The following UNC13C variants were observed in gnomAD, a reference collection of about 807,000 sequenced individuals.
UNC13C encodes unc-13 homolog C, also known as protein unc-13 homolog C.
UNC13C carries 174 observed loss-of-function variants against 245.4 expected under a neutral mutation model. The ratio of observed to expected loss-of-function variants is 0.71; its 90% CI spans 0.63 to 0.80. The LOEUF is 0.80. Among genes scored for constraint, UNC13C ranks in the 30% least tolerant of loss-of-function variants. UNC13C has a pLI of 0.00. For synonymous variants in UNC13C, 992 were observed against 895.1 expected, an observed-to-expected ratio of 1.11 and a Z score of -1.93; for missense variants, 2,829 against 2,602.9, an observed-to-expected ratio of 1.09 and a Z score of -1.89.
At chr15:54,152,328 G>A (rs796255311) in intron 4 of UNC13C, among the ~76,000 whole-genome samples, 2 of 152,232 alleles carry the variant, frequency 1.3e-5, no homozygotes, top group South Asian at 4.1e-4. Context: ...TAAGAAACCT[G>A]AAGACAGTAT....
chr15:54,315,621 CATG>C (rs2037988219), intron 13 of UNC13C, among the ~76,000 whole-genome samples: 1 of 151,478 alleles, frequency 6.6e-6, no homozygotes, highest in Admixed American at 6.6e-5. Context: ...TTTGATAATT[CATG>C]ATGATGATCC....
chr15:54,408,087 G>T (rs1438319762), intron 18 of UNC13C, among the ~76,000 whole-genome samples: 1 of 150,780 alleles, frequency 6.6e-6, no homozygotes, highest in Non-Finnish European at 1.5e-5. Context: ...TGTAGTCCCA[G>T]CTACTCGGGA....
At chr15:54,305,635 A>G (rs759973430) in intron 13 of UNC13C, among the ~76,000 whole-genome samples, 30 of 152,072 alleles carry the variant, frequency 2.0e-4, no homozygotes, top group Non-Finnish European at 3.2e-4. Flanking sequence ...CGGAAAGCCA[A>G]CCAACCAACC....
intron 1 of UNC13C, among the ~76,000 whole-genome samples, chr15:54,006,340 G>C (rs1178347986): frequency 6.6e-6 from 1 of 152,174 alleles, no homozygotes; most frequent in Admixed American, 6.5e-5. Context: ...TGAGTCATTT[G>C]ACTTTCATTC....
chr15:54,073,278 T>C (rs1339553866), intron 2 of UNC13C, among the ~76,000 whole-genome samples: 4 of 152,218 alleles, frequency 2.6e-5, no homozygotes, highest in African/African-American at 9.7e-5. Context: ...ATCTAGTTTA[T>C]CATTGATGGG....
At chr15:54,092,690 T>C (rs1899638275) in intron 2 of UNC13C, among the ~76,000 whole-genome samples, 1 of 152,172 alleles carries the variant, frequency 6.6e-6, no homozygotes, top group African/African-American at 2.4e-5. Flanking sequence ...TTGGGGAAGG[T>C]AGACATTCAA....
rs1897035 is a variant in UNC13C, at chr15:54,029,410, G to A, written c.2983+13524G>A. On this transcript the variant is annotated intron_variant, in intron 2 of 32. Transcript: ENST00000260323. ...TCCTTCCTTGATACTATTATGATCC[G>A]GTTCAAGTGAATTCACAATTATTTC... Among the ~76,000 whole-genome samples the A allele has an allele frequency of 5.8e-3, 879 of 152,286 alleles. 42 individuals carry two copies. The South Asian group carries it at 0.12, about 21-fold the overall frequency.
intron 4 of UNC13C, among the ~76,000 whole-genome samples, chr15:54,187,805 GT>G (rs2034046345): frequency 6.6e-6 from 1 of 151,652 alleles, no homozygotes; most frequent in Admixed American, 6.6e-5. Context: ...TGTATGTTTT[GT>G]TTTTTTGTTT....
chr15:54,152,138 C>A (rs2032546694), intron 4 of UNC13C, among the ~76,000 whole-genome samples: 1 of 152,170 alleles, frequency 6.6e-6, no homozygotes, highest in African/African-American at 2.4e-5. Flanking sequence ...TAAGCTTAAG[C>A]ATAGTACTAC....
At chr15:54,018,402 T>G (rs1019978028) in intron 2 of UNC13C, among the ~76,000 whole-genome samples, 1 of 152,204 alleles carries the variant, frequency 6.6e-6, no homozygotes, top group Non-Finnish European at 1.5e-5. Flanking sequence ...GCTCACACAT[T>G]TGAATTATTT....
At chr15:54,162,668 G>T (rs1160832019) in intron 4 of UNC13C, among the ~76,000 whole-genome samples, 5 of 152,064 alleles carry the variant, frequency 3.3e-5, no homozygotes, top group African/African-American at 1.2e-4. Flanking sequence ...AGATTTCCTG[G>T]AACTTTCTCC....
intron 4 of UNC13C, among the ~76,000 whole-genome samples, chr15:54,230,366 C>A (rs1047708264): frequency 6.6e-5 from 10 of 151,626 alleles, no homozygotes; most frequent in African/African-American, 2.2e-4. Flanking sequence ...TTTTTATATC[C>A]TGCTTGATAG....
chr15:54,451,617 A>C (rs1891180847), intron 19 of UNC13C, among the ~76,000 whole-genome samples: 3 of 151,946 alleles, frequency 2.0e-5, no homozygotes, highest in Non-Finnish European at 4.4e-5. Context: ...TGGTTATTTT[A>C]TATTATAGCT....
At chr15:54,443,531 C>T (rs1890646868) in intron 19 of UNC13C, among the ~76,000 whole-genome samples, 9 of 151,930 alleles carry the variant, frequency 5.9e-5, no homozygotes, top group Admixed American at 5.9e-4. Flanking sequence ...TTTTTGATGT[C>T]AGCATTTATT....
chr15:54,480,626 C>T (rs1291774509), intron 19 of UNC13C, among the ~76,000 whole-genome samples: 1 of 151,734 alleles, frequency 6.6e-6, no homozygotes, highest in African/African-American at 2.4e-5. Flanking sequence ...TTTTCTAATT[C>T]ATTCGTATTG....
At chr15:54,203,708 GTA>G (rs1491264714) in intron 4 of UNC13C, among the ~76,000 whole-genome samples, 1 of 141,840 alleles carries the variant, frequency 7.1e-6, no homozygotes, top group African/African-American at 2.6e-5. Context: ...ATACATATAT[GTA>G]TATATACACA....
chr15:53,963,541 A>G, the UNC13C span, among the ~76,000 whole-genome samples: 6 of 152,150 alleles, frequency 3.9e-5, no homozygotes, highest in African/African-American at 1.4e-4. Flanking sequence ...CGTGTAAAGG[A>G]TTTAGCTCAG....
intron 4 of UNC13C, among the ~76,000 whole-genome samples, chr15:54,170,709 G>A (rs953365757): frequency 2.4e-4 from 37 of 152,082 alleles, no homozygotes; most frequent in African/African-American, 8.5e-4. Flanking sequence ...CAGAAGGTAC[G>A]ATACTCTGCT....
intron 4 of UNC13C, among the ~76,000 whole-genome samples, chr15:54,184,252 TTTTA>T (rs996186391): frequency 3.3e-5 from 5 of 151,916 alleles, no homozygotes; most frequent in African/African-American, 1.2e-4. Context: ...TGTAGTTTAT[TTTTA>T]TTTATTTATT....
Sources: allele counts gnomAD v4.1 joint callset (sites outside exome capture counted in the v4.1 genomes callset), GRCh38; gene constraint gnomAD v4.1.1; transcripts MANE v1.5; gene names NCBI Gene and HGNC (gene_info 2026-07-23, HGNC 2026-07-21).